Variants in MORC1 observed in about 807,000 individuals in gnomAD.
MORC1 encodes MORC family CW-type zinc finger protein 1.
MORC1 carries 59 observed loss-of-function variants against 134.9 expected under a neutral mutation model. The ratio of observed to expected loss-of-function variants is 0.44; its 90% CI spans 0.35 to 0.54. The LOEUF (loss-of-function observed/expected upper bound fraction) is 0.54. MORC1 is among the 20% of genes least tolerant of loss of function. The pLI, the probability that MORC1 is intolerant of heterozygous loss-of-function variation, is 0.00. For synonymous variants in MORC1, 395 were observed against 391.7 expected, an observed-to-expected ratio of 1.01 and a Z score of -0.10; for missense variants, 947 against 1,134.5, an observed-to-expected ratio of 0.83 and a Z score of 2.37.
intron 22 of MORC1, among the ~76,000 whole-genome samples, chr3:108,986,262 T>G (rs1947890767): frequency 2.0e-5 from 3 of 152,100 alleles, no homozygotes; most frequent in Admixed American, 6.5e-5. Flanking sequence ...AAAATTACAG[T>G]AATAATAATG....
intron 14 of MORC1, among the ~76,000 whole-genome samples, chr3:109,037,696 G>C (rs540374776): frequency 6.6e-6 from 1 of 152,262 alleles, no homozygotes; most frequent in East Asian, 1.9e-4. Flanking sequence ...TGAGGTGTTT[G>C]GTTTTCTGTC....
intron 23 of MORC1, among the ~76,000 whole-genome samples, chr3:108,983,928 G>A (rs1559871353): frequency 6.6e-6 from 1 of 152,148 alleles, no homozygotes. Context: ...CAAAGTGGGG[G>A]CTAAAAGTAG....
chr3:109,068,587 C>G (rs978856853), intron 9 of MORC1, among the ~76,000 whole-genome samples: 1 of 152,054 alleles, frequency 6.6e-6, no homozygotes, highest in Non-Finnish European at 1.5e-5. Flanking sequence ...TATATATATA[C>G]CACAGTGTCT....
intron 9 of MORC1, among the ~76,000 whole-genome samples, chr3:109,064,347 A>G (rs1246812341): frequency 6.6e-6 from 1 of 151,996 alleles, no homozygotes; most frequent in East Asian, 1.9e-4. Context: ...TATTTTTATG[A>G]GGAAAATAGA....
Position 109,114,454 on chromosome 3 carries a change from G to A in MORC1, c.66-17C>T, listed in dbSNP as rs769522880. 1 of 1,609,046 alleles carries A rather than the reference G, an allele frequency of 6.2e-7. No homozygotes were observed. Among genetic ancestry groups the A allele is most frequent in the Non-Finnish European group, 8.5e-7 (1 of 1,177,006 alleles). On this transcript the variant is annotated splice_polypyrimidine_tract_variant and intron_variant, in intron 1 of 27. Transcript: ENST00000232603. ...TGAGTGGTGCTGATGAAGAAATAAA[G>A]AGAAAACAAAAAGTTAAACCAGGTG... is the stretch of plus-strand genomic sequence containing the variant.
At chr3:109,103,648 T>C (rs1377402770) in intron 4 of MORC1, among the ~76,000 whole-genome samples, 1 of 152,244 alleles carries the variant, frequency 6.6e-6, no homozygotes, top group Admixed American at 6.5e-5. Context: ...CATTTACTTT[T>C]TGTCTTGGTT....
At chr3:109,075,442 A>G (rs1259865887) in intron 8 of MORC1, among the ~76,000 whole-genome samples, 1 of 152,138 alleles carries the variant, frequency 6.6e-6, no homozygotes, top group Non-Finnish European at 1.5e-5. Context: ...TTTAGGTCTT[A>G]TGTTTAAGTC....
At chr3:109,107,623 T>C (rs745530322) in intron 3 of MORC1, among the ~76,000 whole-genome samples, 1 of 152,228 alleles carries the variant, frequency 6.6e-6, no homozygotes, top group Admixed American at 6.5e-5. Flanking sequence ...AAATTTAAGA[T>C]TGACAATAAT....
Position 109,040,391 on chromosome 3 carries a change from A to G in MORC1, c.1331-4923T>C, listed in dbSNP as rs1281743126. On this transcript the variant is annotated intron_variant, in intron 14 of 27. Coordinates refer to ENST00000232603, the MANE Select transcript of MORC1 (RefSeq NM_014429.4). ...GAAAGAAAGAAAGAAAGAAAGAAAG[A>G]AAGAAAGAAAGAGAAGGAAGGAAGG... Among the ~76,000 whole-genome samples the G allele has an allele frequency of 5.3e-4, 40 of 75,644 alleles. 1 individual carries two copies. Among genetic ancestry groups the G allele is most frequent in the Admixed American group, 2.8e-3 (19 of 6,816 alleles). The allele number at this position is 75,644 out of a possible 152,430, so 49.6% of individuals were successfully genotyped here. A position where few individuals can be genotyped will look rare whatever the true frequency, so the allele number is the denominator to read the frequency against.
intron 9 of MORC1, 26 bp from the exon 10 acceptor site, chr3:109,063,257 TC>T: frequency 7.1e-7 from 1 of 1,417,284 alleles, no homozygotes; most frequent in Non-Finnish European, 9.9e-7. Flanking sequence ...AAGAACATAA[TC>T]AAGTCAGATT....
chr3:109,008,444 G>A (rs1181631735), intron 17 of MORC1, among the ~76,000 whole-genome samples: 4 of 119,364 alleles, frequency 3.4e-5, no homozygotes, highest in Non-Finnish European at 7.3e-5. Flanking sequence ...TGAGAGTGCA[G>A]AGTATATATA....
intron 6 of MORC1, among the ~76,000 whole-genome samples, chr3:109,098,785 T>C (rs959248841): frequency 1.2e-4 from 19 of 152,316 alleles, no homozygotes; most frequent in Non-Finnish European, 2.4e-4. Flanking sequence ...TATGACCTTC[T>C]GCTTCTTTTC....
intron 17 of MORC1, among the ~76,000 whole-genome samples, chr3:109,021,512 A>T (rs556996146): frequency 3.5e-4 from 53 of 152,242 alleles, no homozygotes; most frequent in African/African-American, 1.3e-3. Flanking sequence ...CTGGACTCAA[A>T]CTCCTCTTGG....
At chr3:109,107,271 G>A (rs1330271452) in intron 3 of MORC1, among the ~76,000 whole-genome samples, 1 of 151,966 alleles carries the variant, frequency 6.6e-6, no homozygotes, top group Non-Finnish European at 1.5e-5. Context: ...TACCTTTGTA[G>A]TATATTAAAA....
chr3:109,083,844 G>A (rs1286343609), intron 8 of MORC1, among the ~76,000 whole-genome samples: 1 of 152,110 alleles, frequency 6.6e-6, no homozygotes, highest in African/African-American at 2.4e-5. Context: ...AGGGATGGAA[G>A]GATGCTTGAA....
chr3:108,981,221 C>A (rs1225872012), intron 23 of MORC1, among the ~76,000 whole-genome samples: 1 of 151,962 alleles, frequency 6.6e-6, no homozygotes, highest in African/African-American at 2.4e-5. Context: ...TTTTGTAATC[C>A]TTTCATGCTG....
intron 26 of MORC1, among the ~76,000 whole-genome samples, chr3:108,968,811 C>T (rs369753676): frequency 6.6e-6 from 1 of 152,258 alleles, no homozygotes; most frequent in East Asian, 1.9e-4. Context: ...TCAACAAAGA[C>T]CCAACATTTC....
At chr3:109,059,657 G>A (rs1379033684) in intron 12 of MORC1, 149 bp downstream of exon 12, 1 of 560,246 alleles carries the variant, frequency 1.8e-6, no homozygotes, top group African/African-American at 1.9e-5. Context: ...TTGGTTGTGG[G>A]AACTTGACTA....
intron 17 of MORC1, among the ~76,000 whole-genome samples, chr3:109,016,641 T>C (rs1948821474): frequency 2.0e-5 from 3 of 152,160 alleles, no homozygotes; most frequent in South Asian, 2.1e-4. Flanking sequence ...GGTGCGCAGA[T>C]GACTTGAGGT....
Sources: allele counts gnomAD v4.1 joint callset (sites outside exome capture counted in the v4.1 genomes callset), GRCh38; gene constraint gnomAD v4.1.1; transcripts MANE v1.5; gene names NCBI Gene and HGNC (gene_info 2026-07-23, HGNC 2026-07-21).